Variants in TECRL observed in about 807,000 individuals in gnomAD.
TECRL encodes trans-2,3-enoyl-CoA reductase-like.
TECRL carries 63 observed loss-of-function variants against 52.8 expected under a neutral mutation model. That is an observed-to-expected ratio of 1.19 (90% confidence interval 0.97 to 1.47). TECRL has a LOEUF of 1.47. Among genes scored for constraint, TECRL ranks in the 40% most tolerant of loss-of-function variants. The pLI is 0.00. For synonymous variants in TECRL, 164 were observed against 141.9 expected (o/e 1.16, Z -1.10); for missense variants, 482 against 429.6 (o/e 1.12, Z -1.08).
At chr4:64,323,424 G>T (rs1284775776) in intron 3 of TECRL, among the ~76,000 whole-genome samples, 1 of 151,930 alleles carries the variant, frequency 6.6e-6, no homozygotes, top group Non-Finnish European at 1.5e-5. Flanking sequence ...ACAACAAAAA[G>T]TGTAATTTTG....
chr4:64,286,937 C>A (rs185305440), intron 9 of TECRL, among the ~76,000 whole-genome samples: 1 of 152,220 alleles, frequency 6.6e-6, no homozygotes, highest in African/African-American at 2.4e-5. Flanking sequence ...GCAATGCTAG[C>A]ATTTTATTAG....
At chr4:64,330,661 A>G (rs1446633703) in intron 2 of TECRL, among the ~76,000 whole-genome samples, 1 of 152,090 alleles carries the variant, frequency 6.6e-6, no homozygotes, top group Non-Finnish European at 1.5e-5. Context: ...TTAATTAATC[A>G]CAAAACTTTA....
intron 1 of TECRL, among the ~76,000 whole-genome samples, chr4:64,398,513 C>T (rs1255619732): frequency 6.6e-6 from 1 of 152,150 alleles, no homozygotes; most frequent in East Asian, 1.9e-4. Flanking sequence ...ATATGATACA[C>T]CTGCTCCCTC....
intron 5 of TECRL, among the ~76,000 whole-genome samples, chr4:64,312,794 C>A (rs548894269): frequency 4.0e-5 from 6 of 151,330 alleles, no homozygotes; most frequent in Non-Finnish European, 8.8e-5. Flanking sequence ...AAATATGAGT[C>A]AATTCCTTTG....
At chr4:64,397,378 G>T (rs1193798378) in intron 1 of TECRL, among the ~76,000 whole-genome samples, 1 of 151,864 alleles carries the variant, frequency 6.6e-6, no homozygotes, top group African/African-American at 2.4e-5. Context: ...CATTTATTAA[G>T]TTTTGATACA....
chr4:64,386,801 A>T (rs1054286223), intron 1 of TECRL, among the ~76,000 whole-genome samples: 2 of 152,186 alleles, frequency 1.3e-5, no homozygotes, highest in Non-Finnish European at 2.9e-5. Flanking sequence ...TTAGGTTCAC[A>T]GCAATGTTGA....
intron 2 of TECRL, among the ~76,000 whole-genome samples, chr4:64,359,159 A>G (rs559612355): frequency 1.3e-5 from 2 of 152,082 alleles, no homozygotes; most frequent in East Asian, 3.9e-4. Flanking sequence ...CTGTTAATGC[A>G]TGCAATTAAA....
intron 1 of TECRL, among the ~76,000 whole-genome samples, chr4:64,405,612 T>C (rs1193753861): frequency 2.6e-5 from 4 of 152,110 alleles, no homozygotes; most frequent in Admixed American, 6.6e-5. Flanking sequence ...GATATGTAGA[T>C]TTACAGTCCA....
chr4:64,344,996 A>G (rs1362679953), intron 2 of TECRL, among the ~76,000 whole-genome samples: 3 of 152,160 alleles, frequency 2.0e-5, no homozygotes, highest in East Asian at 3.9e-4. Context: ...GCAAATCAAA[A>G]CCACAATGAG....
intron 1 of TECRL, among the ~76,000 whole-genome samples, chr4:64,406,817 T>C (rs1724759342): frequency 1.3e-5 from 2 of 151,990 alleles, no homozygotes; most frequent in Admixed American, 1.3e-4. Context: ...TAGTAAGTAT[T>C]GAAAGACGGG....
chr4:64,350,509 A>T (rs13149174), intron 2 of TECRL, among the ~76,000 whole-genome samples: 5 of 151,886 alleles, frequency 3.3e-5, no homozygotes, highest in South Asian at 2.1e-4. Flanking sequence ...TGAGATTAAC[A>T]TTTTATTATA....
At chr4:64,339,704 C>A (rs1450228808) in intron 2 of TECRL, among the ~76,000 whole-genome samples, 1 of 152,070 alleles carries the variant, frequency 6.6e-6, no homozygotes, top group Non-Finnish European at 1.5e-5. Flanking sequence ...CTCTGCAACT[C>A]TTTCCCCGCG....
intron 2 of TECRL, among the ~76,000 whole-genome samples, chr4:64,336,216 C>G (rs1350524129): frequency 8.5e-5 from 13 of 152,106 alleles, no homozygotes; most frequent in Non-Finnish European, 1.6e-4. Flanking sequence ...TTCAGAGATT[C>G]AACTTCTTCC....
At chr4:64,330,338 G>A (rs552996998) in intron 2 of TECRL, among the ~76,000 whole-genome samples, 107 of 152,062 alleles carry the variant, frequency 7.0e-4, no homozygotes, top group African/African-American at 2.6e-3. Flanking sequence ...GAACATTAGC[G>A]ACCTCTTAAG....
At chr4:64,314,503 A>T (rs572083806) in intron 5 of TECRL, 145 bp downstream of exon 5, 1 of 635,378 alleles carries the variant, frequency 1.6e-6, no homozygotes, top group Admixed American at 3.0e-5. Context: ...ACATTTCCAT[A>T]AAATGATATC....
At chr4:64,402,611 C>T (rs1724429922) in intron 1 of TECRL, among the ~76,000 whole-genome samples, 1 of 151,946 alleles carries the variant, frequency 6.6e-6, no homozygotes, top group Non-Finnish European at 1.5e-5. Context: ...ACGGAACACA[C>T]TTCAAGCAAG....
chr4:64,315,584 CTA>C (rs1289001942), intron 4 of TECRL, among the ~76,000 whole-genome samples: 7 of 137,838 alleles, frequency 5.1e-5, no homozygotes, highest in Admixed American at 3.1e-4. Flanking sequence ...CTACCATTAA[CTA>C]TTTTGTCTTC....
At chr4:64,285,098 G>C (rs1723016341) in intron 9 of TECRL, among the ~76,000 whole-genome samples, 2 of 152,042 alleles carry the variant, frequency 1.3e-5, no homozygotes. Flanking sequence ...ATAATAATTG[G>C]AATATATATA....
chr4:64,319,964 A>T (rs1717784431), intron 4 of TECRL, among the ~76,000 whole-genome samples: 1 of 151,904 alleles, frequency 6.6e-6, no homozygotes, highest in African/African-American at 2.4e-5. Flanking sequence ...AAGTATGCAA[A>T]GATAAAAGGA....
Sources: allele counts gnomAD v4.1 joint callset (sites outside exome capture counted in the v4.1 genomes callset), GRCh38; gene constraint gnomAD v4.1.1; transcripts MANE v1.5; gene names NCBI Gene and HGNC (gene_info 2026-07-23, HGNC 2026-07-21).